NID2: variants seen among roughly 807,000 people sequenced by gnomAD.
NID2 encodes the protein nidogen 2.
In NID2, 83 loss-of-function variants were observed where a neutral mutation model predicts 145.4. The observed-to-expected ratio is 0.57, with a 90% CI of 0.48 to 0.69. NID2 has a LOEUF of 0.69. Ranked by LOEUF, NID2 falls within the 30% of genes least tolerant of loss-of-function variation. The probability of loss-of-function intolerance (pLI) is 0.00; values close to 1 mark genes in which losing one functional copy is unlikely to be tolerated. For missense variants in NID2, 1,807 were observed against 1,765.7 expected, an observed-to-expected ratio of 1.02 and a Z score of -0.42; for synonymous variants, 739 against 701.3, an observed-to-expected ratio of 1.05 and a Z score of -0.85.
chr14:52,026,774 C>G (rs1300552542), intron 12 of NID2, among the ~76,000 whole-genome samples: 7 of 152,166 alleles, frequency 4.6e-5, no homozygotes, highest in African/African-American at 1.4e-4. Flanking sequence ...GGAGTTCTCT[C>G]TTTTGAAAGA....
intron 5 of NID2, among the ~76,000 whole-genome samples, chr14:52,045,003 G>A (rs761991192): frequency 1.3e-5 from 2 of 152,058 alleles, no homozygotes; most frequent in Admixed American, 6.5e-5. Flanking sequence ...GGCAGTGAGT[G>A]GCAAAGGTGG....
At chr14:52,040,925 C>T in intron 7 of NID2, 74 bp from the exon 8 acceptor site, 1 of 1,277,032 alleles carries the variant, frequency 7.8e-7, no homozygotes, top group Non-Finnish European at 1.1e-6. Context: ...ATACTGCCCG[C>T]TCCCAATTTC....
intron 14 of NID2, 79 bp from the exon 15 acceptor site, chr14:52,015,354 C>T (rs965500257): frequency 1.8e-5 from 24 of 1,368,026 alleles, no homozygotes; most frequent in Non-Finnish European, 2.2e-5. Context: ...AGCTCAAGAC[C>T]CCATGCCTGG....
At chr14:52,024,535 G>T (rs552892411) in intron 12 of NID2, among the ~76,000 whole-genome samples, 2 of 152,302 alleles carry the variant, frequency 1.3e-5, no homozygotes, top group Admixed American at 1.3e-4. Context: ...CTGTGGCCTT[G>T]TGAGAGATCC....
chr14:52,013,369 T>C (rs1415441864), intron 16 of NID2, among the ~76,000 whole-genome samples: 1 of 152,148 alleles, frequency 6.6e-6, no homozygotes, highest in Non-Finnish European at 1.5e-5. Flanking sequence ...ATGTGAGAGT[T>C]TTCTTGGGGG....
intron 12 of NID2, among the ~76,000 whole-genome samples, chr14:52,022,665 C>T (rs1891443731): frequency 6.6e-6 from 1 of 152,150 alleles, no homozygotes; most frequent in South Asian, 2.1e-4. Flanking sequence ...TCAGTGCAAT[C>T]CTACACTCTA....
chr14:52,058,227 C>T (rs1892918435), intron 3 of NID2, among the ~76,000 whole-genome samples: 3 of 152,048 alleles, frequency 2.0e-5, no homozygotes, highest in Admixed American at 2.0e-4. Flanking sequence ...CTAAAAGACC[C>T]CTATAAGAAG....
chr14:52,026,022 G>A (rs1452131493), intron 12 of NID2, among the ~76,000 whole-genome samples: 1 of 152,200 alleles, frequency 6.6e-6, no homozygotes, highest in East Asian at 1.9e-4. Context: ...CAGCACAAGT[G>A]GAAAGAGTAA....
chr14:52,030,568 G>GAAC (rs1555363723), intron 9 of NID2, among the ~76,000 whole-genome samples: 573 of 37,714 alleles, frequency 0.015, 19 homozygotes, highest in Admixed American at 0.054. Context: ...AAGAAAGAAA[G>GAAC]GAAGGAAGGG....
intron 9 of NID2, among the ~76,000 whole-genome samples, chr14:52,030,624 AAG>A (rs879259594): frequency 0.017 from 2,428 of 146,072 alleles, 151 homozygotes; most frequent in Middle Eastern, 0.066. Context: ...AAAAGAAAGA[AAG>A]AGAAAGAAAG....
At chr14:52,068,233 G>T in intron 1 of NID2, 70 bp from the exon 2 acceptor site, 2 of 1,458,376 alleles carry the variant, frequency 1.4e-6, no homozygotes, top group Non-Finnish European at 9.5e-7. Context: ...CGCGCAGGGA[G>T]GGAAGGGAAC....
chr14:52,066,349 A>G (rs975807145), intron 2 of NID2, among the ~76,000 whole-genome samples: 2 of 152,066 alleles, frequency 1.3e-5, no homozygotes, highest in African/African-American at 4.8e-5. Flanking sequence ...AGGAATGAAT[A>G]AGACCTACCA....
chr14:52,030,520 G>A lies in NID2; in HGVS notation c.2258-830C>T, dbSNP rs75129940. On this transcript the variant is annotated intron_variant, in intron 9 of 21. Transcript: ENST00000216286. ...AAGAAAGAGAAAGAAAGAAAGAAAA[G>A]AAAGAAAGAAAGAAAGAAAGAAAGA... is the stretch of plus-strand genomic sequence containing the variant. Among the ~76,000 whole-genome samples, 10 of 28,076 alleles carry A rather than the reference G, an allele frequency of 3.6e-4. 1 individual carries two copies. The highest frequency in any genetic ancestry group is 9.2e-4 in the African/African-American group (7 of 7,572). The allele number at this position is 28,076 out of a possible 152,430, so 18.4% of individuals were successfully genotyped here.
intron 9 of NID2, among the ~76,000 whole-genome samples, chr14:52,038,182 A>G (rs1398967098): frequency 6.6e-6 from 1 of 152,238 alleles, no homozygotes. Context: ...CCTAAGCTTC[A>G]GGGAAAAGCA....
chr14:52,006,673 AGG>A lies in NID2; in HGVS notation c.3881-15_3881-14del, dbSNP rs1222504827. 6.2e-7 allele frequency: 1 copy of A among 1,612,886 alleles called. No individual in the cohort carries two copies. Among genetic ancestry groups the A allele is most frequent in the African/African-American group, 1.3e-5 (1 of 74,894 alleles). On this transcript the variant is annotated splice_polypyrimidine_tract_variant and intron_variant, in intron 19 of 21. Transcript: ENST00000216286. The stretch of plus-strand genomic sequence containing the variant: ...AGTTTTTTGGTTCCTTTTAAAACAA[AGG>A]GGGAAAATGAGGTCCTTCAGCTGCT...
At chr14:52,006,417 G>T in intron 20 of NID2, 120 bp downstream of exon 20, 2 of 1,115,208 alleles carry the variant, frequency 1.8e-6, no homozygotes, top group Non-Finnish European at 1.3e-6. Flanking sequence ...AGGAGGTGAT[G>T]AAACAAAAGC....
intron 2 of NID2, among the ~76,000 whole-genome samples, chr14:52,063,973 T>C (rs1217016228): frequency 6.6e-6 from 1 of 152,236 alleles, no homozygotes; most frequent in Admixed American, 6.5e-5. Context: ...TTTCCATATA[T>C]GGTTCAGCAT....
chr14:52,066,221 T>A (rs535616551), intron 2 of NID2, among the ~76,000 whole-genome samples: 1 of 152,050 alleles, frequency 6.6e-6, no homozygotes, highest in South Asian at 2.1e-4. Flanking sequence ...AAACCTTGCA[T>A]TTAAAGAGTC....
chr14:52,023,461 T>A (rs1016030693), intron 12 of NID2, among the ~76,000 whole-genome samples: 4 of 150,030 alleles, frequency 2.7e-5, no homozygotes, highest in Non-Finnish European at 4.4e-5. Flanking sequence ...CCTAAAAAAA[T>A]AAATAAATAA....
Sources: allele counts gnomAD v4.1 joint callset (sites outside exome capture counted in the v4.1 genomes callset), GRCh38; gene constraint gnomAD v4.1.1; transcripts MANE v1.5; gene names NCBI Gene and HGNC (gene_info 2026-07-23, HGNC 2026-07-21).